Variants in DYSF observed in about 807,000 individuals in gnomAD.
DYSF encodes dysferlin, also known as dystrophy-associated fer-1-like 1.
Under a neutral mutation model 274.9 loss-of-function variants are expected in DYSF, and 212 were observed. The observed-to-expected ratio is 0.77, with a 90% CI of 0.69 to 0.86. The LOEUF (loss-of-function observed/expected upper bound fraction) is 0.86. Among genes scored for constraint, DYSF ranks in the 40% least tolerant of loss-of-function variants. The pLI is 0.00. For synonymous variants in DYSF, 1,091 were observed against 1,078.7 expected, an observed-to-expected ratio of 1.01 and a Z score of -0.22; for missense variants, 2,666 against 2,783.2, an observed-to-expected ratio of 0.96 and a Z score of 0.95.
intron 41 of DYSF, among the ~76,000 whole-genome samples, chr2:71,632,950 C>G (rs2094339575): frequency 6.6e-6 from 1 of 152,220 alleles, no homozygotes; most frequent in Non-Finnish European, 1.5e-5. Flanking sequence ...CATGTAGTCT[C>G]TGGGCCTTTG....
chr2:71,480,960 C>T, intron 2 of DYSF, 22 bp downstream of exon 2: 1 of 1,611,052 alleles, frequency 6.2e-7, no homozygotes, highest in Non-Finnish European at 8.5e-7. Context: ...TTTCTCCTTC[C>T]TTTTCTCTCT....
At chr2:71,535,783 C>A (rs545765257) in intron 16 of DYSF, among the ~76,000 whole-genome samples, 18 of 152,216 alleles carry the variant, frequency 1.2e-4, no homozygotes, top group Non-Finnish European at 2.5e-4. Context: ...GAGCAGGGGA[C>A]ACCACGGCAG....
intron 3 of DYSF, among the ~76,000 whole-genome samples, chr2:71,496,099 C>T (rs2084361616): frequency 6.6e-6 from 1 of 151,988 alleles, no homozygotes; most frequent in South Asian, 2.1e-4. Context: ...AAATGCCATC[C>T]CTGCATAGTG....
intron 14 of DYSF, among the ~76,000 whole-genome samples, chr2:71,530,031 G>A (rs932826195): frequency 7.0e-6 from 1 of 142,302 alleles, no homozygotes; most frequent in Non-Finnish European, 1.6e-5. Context: ...AAATGTACAC[G>A]GGGATGTAAT....
chr2:71,670,187 C>T (rs1261501454), intron 51 of DYSF, among the ~76,000 whole-genome samples: 1 of 152,220 alleles, frequency 6.6e-6, no homozygotes, highest in Non-Finnish European at 1.5e-5. Context: ...CCTGCCGCCA[C>T]CCCATGGCCA....
intron 36 of DYSF, among the ~76,000 whole-genome samples, chr2:71,605,133 T>G (rs1215584957): frequency 1.3e-5 from 2 of 152,208 alleles, no homozygotes; most frequent in African/African-American, 4.8e-5. Context: ...GTCTGCATTT[T>G]CTTTGTCTTT....
At chr2:71,529,974 T>G (rs997447034) in intron 14 of DYSF, among the ~76,000 whole-genome samples, 2 of 147,622 alleles carry the variant, frequency 1.4e-5, no homozygotes, top group African/African-American at 4.9e-5. Context: ...AGGAGCCCCT[T>G]TGAGCTGGGC....
intron 30 of DYSF, among the ~76,000 whole-genome samples, 172 bp downstream of exon 30, chr2:71,574,543 C>T (rs1393577580): frequency 6.6e-6 from 1 of 152,148 alleles, no homozygotes; most frequent in Non-Finnish European, 1.5e-5. Context: ...GAAAGCAGCC[C>T]CAGTCTGGGT....
At chr2:71,468,043 T>C (rs2152646388) in intron 1 of DYSF, among the ~76,000 whole-genome samples, 1 of 152,362 alleles carries the variant, frequency 6.6e-6, no homozygotes, top group South Asian at 2.1e-4. Context: ...GTTATATGTA[T>C]TCCTCTTTTG....
chr2:71,475,082 T>C (rs2082303870), intron 1 of DYSF, among the ~76,000 whole-genome samples: 1 of 152,146 alleles, frequency 6.6e-6, no homozygotes, highest in South Asian at 2.1e-4. Flanking sequence ...TAGTGGCTGT[T>C]AGTTGAGTGA....
Position 71,603,298 on chromosome 2 carries a change from C to T in DYSF, c.3957+493C>T, listed in dbSNP as rs552598347. On this transcript the variant is annotated intron_variant, in intron 36 of 55. Coordinates refer to ENST00000410020, the MANE Select transcript of DYSF (RefSeq NM_001130987.2). ...GGGCGAGCTGGGGACCTCCTAGGGA[C>T]GGGAAGAAGTTTAGAGTTTGCATTT... 1.2e-4 allele frequency among the ~76,000 whole-genome samples: 18 copies of T among 152,178 alleles called. No homozygotes were observed. The South Asian group carries it at 2.5e-3, about 21-fold the overall frequency.
At position 71,615,990 on chromosome 2, in the gene DYSF, A is replaced by G. The variant is rs2093874054; in HGVS notation, c.4464+2580A>G. Among the ~76,000 whole-genome samples the G allele has an allele frequency of 6.6e-6, 1 of 151,882 alleles. No individual in the cohort carries two copies. The highest frequency in any genetic ancestry group is 1.5e-5 in the Non-Finnish European group (1 of 67,962). On this transcript the variant is annotated intron_variant, in intron 40 of 55. Coordinates refer to ENST00000410020, the MANE Select transcript of DYSF (RefSeq NM_001130987.2). This position sits in a 1 kb window ranked among gnomAD's most constrained non-coding sequence, Gnocchi z 4.9. ...CTGCTCTTGCCAGAGTTACCCTTCC[A>G]TCTTGGTCCCTTCCTGTCACTTTCC...
At chr2:71,643,720 G>T (rs527450974) in intron 41 of DYSF, among the ~76,000 whole-genome samples, 10 of 152,276 alleles carry the variant, frequency 6.6e-5, no homozygotes, top group South Asian at 4.1e-4. Flanking sequence ...ACACATGCTT[G>T]GGGGGCAGAG....
chr2:71,584,931 T>C (rs2093015950), intron 30 of DYSF, among the ~76,000 whole-genome samples: 1 of 152,116 alleles, frequency 6.6e-6, no homozygotes, highest in Admixed American at 6.5e-5. Context: ...ATTCAAGAAA[T>C]TTACAGAAGG....
Position 71,551,052 on chromosome 2 carries a change from C to G in DYSF, c.1588C>G (p.Leu530Val), listed in dbSNP as rs1182750354. 3 of 1,614,120 alleles carry G rather than the reference C, an allele frequency of 1.9e-6. No homozygotes were observed. Among genetic ancestry groups the G allele is most frequent in the Non-Finnish European group, 1.7e-6 (2 of 1,179,980 alleles). The change falls in exon 18 of 56, where the codon CTG (leucine) becomes GTG (valine). Residue 530 changes from leucine to valine, a missense_variant. By Grantham distance (32) the Leu-to-Val change is conservative. This residue lies in a region of DYSF where 794 missense variants were observed against 777.1 expected (regional missense o/e 1.02). Transcript: ENST00000410020. The part of the protein sequence containing the change: ...PGGEIEVDDY[L>V]GFLPTFGPCY... Reference sequence around the variant, plus strand: ...CTTGTGTCTCCCAGTGGATGACTACCTGGGCTTCCTCCCCACTTTTGGGCC... The same window carrying G: ...CTTGTGTCTCCCAGTGGATGACTACGTGGGCTTCCTCCCCACTTTTGGGCC...
At chr2:71,479,258 G>A (rs1336305277) in intron 1 of DYSF, among the ~76,000 whole-genome samples, 2 of 151,728 alleles carry the variant, frequency 1.3e-5, no homozygotes, top group South Asian at 2.1e-4. Context: ...GAAGTGCCCA[G>A]GGCACTGCAG....
intron 17 of DYSF, among the ~76,000 whole-genome samples, chr2:71,540,666 T>C (rs1451948401): frequency 2.7e-5 from 4 of 150,750 alleles, no homozygotes; most frequent in African/African-American, 9.7e-5. Flanking sequence ...AATAATTATT[T>C]TATATTTATA....
chr2:71,680,439 G>A (rs148259378), intron 53 of DYSF, among the ~76,000 whole-genome samples: 208 of 152,096 alleles, frequency 1.4e-3, no homozygotes, highest in African/African-American at 4.7e-3. Context: ...TTATGCCCTC[G>A]GACTCTGTCA....
rs2095073011 is a variant in DYSF, at chr2:71,669,181, G to C, written c.5616G>C (p.Glu1872Asp). The change falls in exon 50 of 56, where the codon GAG (glutamate) becomes GAC (aspartate). Residue 1872 changes from glutamate (E) to aspartate (D), a missense_variant. Transcript: ENST00000410020. ...VILDDLSLTG[E>D]KMSDIYVKGW... ...TGGATGACCTGAGCCTCACGGGGGA[G>C]AAGATGAGCGACATTTATGTGAAAG... 6.2e-7 allele frequency: 1 copy of C among 1,609,912 alleles called. No homozygotes were observed. The highest frequency in any genetic ancestry group is 8.5e-7 in the Non-Finnish European group (1 of 1,178,210).
Sources: allele counts gnomAD v4.1 joint callset (sites outside exome capture counted in the v4.1 genomes callset), GRCh38; gene constraint gnomAD v4.1.1; regional missense constraint gnomAD v4.1.1; non-coding constraint Gnocchi (gnomAD v3.1); transcripts MANE v1.5; gene names NCBI Gene and HGNC (gene_info 2026-07-23, HGNC 2026-07-21).